Variants in TMEM117 observed in about 807,000 individuals in gnomAD.
TMEM117 encodes transmembrane protein 117.
A neutral mutation model predicts 52.4 loss-of-function variants in TMEM117; 27 were observed. The ratio of observed to expected loss-of-function variants is 0.51; its 90% confidence interval spans 0.38 to 0.71. The LOEUF is 0.71. TMEM117 is among the 30% of genes least tolerant of loss of function. TMEM117 has a pLI of 0.00. For missense variants in TMEM117, 556 were observed against 630.5 expected (o/e 0.88, Z 1.26); for synonymous variants, 215 against 206.3 (o/e 1.04, Z -0.36).
intron 6 of TMEM117, among the ~76,000 whole-genome samples, chr12:44,355,584 A>G (rs986407600): frequency 1.3e-5 from 2 of 152,088 alleles, no homozygotes; most frequent in Non-Finnish European, 2.9e-5. Context: ...GAAGCTTGAT[A>G]TAAATTCAAT....
At chr12:44,219,503 A>G (rs1465464175) in intron 5 of TMEM117, among the ~76,000 whole-genome samples, 2 of 152,212 alleles carry the variant, frequency 1.3e-5, no homozygotes, top group African/African-American at 4.8e-5. Flanking sequence ...ATATAGTTCA[A>G]TTTGCCAGTA....
intron 3 of TMEM117, among the ~76,000 whole-genome samples, chr12:43,949,801 T>C (rs1945191156): frequency 6.6e-6 from 1 of 152,180 alleles, no homozygotes; most frequent in East Asian, 1.9e-4. Flanking sequence ...TCAAGGAAGC[T>C]TGTACTTAAA....
At chr12:44,305,105 G>A (rs536371134) in intron 6 of TMEM117, among the ~76,000 whole-genome samples, 88 of 152,242 alleles carry the variant, frequency 5.8e-4, no homozygotes, top group Middle Eastern at 3.4e-3. Context: ...AGAGAGCCAG[G>A]CCTGGCAGTA....
rs1945092410 is a variant in TMEM117, at chr12:43,944,287, C to T, written c.355C>T (p.Leu119Phe). ...AATGTTCTTCAGCACAATTCTCTTT[C>T]TCTTCATATTTTCTCACATATACAA... ...MTMFFSTILF[L>F]FIFSHIYNTI... Residue 119 changes from leucine to phenylalanine, a missense_variant, in exon 3 of 8, where the codon CTC (leucine) becomes TTC (phenylalanine). By Grantham distance (22) the Leu-to-Phe change is conservative (BLOSUM62 0). This residue lies in a region of TMEM117 where 328 missense variants were observed against 371.4 expected (regional missense o/e 0.88). Coordinates refer to ENST00000266534, the MANE Select transcript of TMEM117 (RefSeq NM_032256.3). 24 of 1,613,194 alleles carry T rather than the reference C, an allele frequency of 1.5e-5. No homozygotes were observed. Among genetic ancestry groups the T allele is most frequent in the Non-Finnish European group, 2.0e-5 (24 of 1,179,288 alleles).
intron 3 of TMEM117, among the ~76,000 whole-genome samples, chr12:44,018,418 A>C (rs1349142037): frequency 6.6e-6 from 1 of 152,250 alleles, no homozygotes; most frequent in Non-Finnish European, 1.5e-5. Flanking sequence ...AGCATGCAAT[A>C]AAAACATGTA....
At chr12:43,990,285 CTG>C (rs1945916951) in intron 3 of TMEM117, among the ~76,000 whole-genome samples, 2 of 152,134 alleles carry the variant, frequency 1.3e-5, no homozygotes, top group Non-Finnish European at 2.9e-5. Context: ...TCAAATGAAT[CTG>C]AGGTCTTTTT....
At chr12:43,898,589 A>C (rs530404332) in intron 2 of TMEM117, among the ~76,000 whole-genome samples, 1 of 152,152 alleles carries the variant, frequency 6.6e-6, no homozygotes, top group Admixed American at 6.6e-5. Flanking sequence ...ACAGGAAAAA[A>C]GTGCCTTCAG....
intron 3 of TMEM117, among the ~76,000 whole-genome samples, chr12:44,098,686 A>G (rs1286799822): frequency 6.6e-6 from 1 of 152,046 alleles, no homozygotes; most frequent in Admixed American, 6.6e-5. Context: ...GCCAGATCCT[A>G]TACTATCATA....
At chr12:44,331,781 G>A (rs1322170710) in intron 6 of TMEM117, among the ~76,000 whole-genome samples, 1 of 151,982 alleles carries the variant, frequency 6.6e-6, no homozygotes, top group East Asian at 1.9e-4. Flanking sequence ...CCTTCCTCTA[G>A]GGAGTGGATA....
At chr12:43,851,174 A>G (rs956127450) in intron 2 of TMEM117, among the ~76,000 whole-genome samples, 3 of 152,166 alleles carry the variant, frequency 2.0e-5, no homozygotes, top group Admixed American at 2.0e-4. Context: ...CAGTATTGCC[A>G]ATTTAAGGGA....
intron 5 of TMEM117, among the ~76,000 whole-genome samples, chr12:44,217,215 C>T (rs1209903371): frequency 6.6e-6 from 1 of 152,090 alleles, no homozygotes; most frequent in Non-Finnish European, 1.5e-5. Flanking sequence ...AGTAGTTTGA[C>T]GTCCTCTACA....
chr12:44,340,506 T>C (rs1214078348), intron 6 of TMEM117, among the ~76,000 whole-genome samples: 1 of 152,138 alleles, frequency 6.6e-6, no homozygotes, highest in Non-Finnish European at 1.5e-5. Flanking sequence ...ACATCTGTGG[T>C]GCCTGCCTGC....
chr12:43,925,078 C>T (rs1944756984), intron 2 of TMEM117, among the ~76,000 whole-genome samples: 2 of 152,058 alleles, frequency 1.3e-5, no homozygotes, highest in African/African-American at 2.4e-5. Flanking sequence ...GTCCTCGTGC[C>T]GTAATAGTTG....
At chr12:44,076,591 A>G (rs7963259) in intron 3 of TMEM117, among the ~76,000 whole-genome samples, 15,692 of 152,270 alleles carry the variant, frequency 0.1, 1,237 homozygotes, top group African/African-American at 0.22. Context: ...TCATGATTCT[A>G]CATTTATACC....
At chr12:44,339,320 CA>C (rs1345504937) in intron 6 of TMEM117, among the ~76,000 whole-genome samples, 1 of 152,008 alleles carries the variant, frequency 6.6e-6, no homozygotes, top group Non-Finnish European at 1.5e-5. Context: ...CAGCTTCTAG[CA>C]GACTAAAGTC....
intron 5 of TMEM117, among the ~76,000 whole-genome samples, chr12:44,228,866 A>C (rs1949898045): frequency 3.9e-5 from 6 of 152,172 alleles, no homozygotes. Context: ...TGGGCCACAC[A>C]CAGGGTGTAG....
At chr12:44,232,016 T>A (rs1323263768) in intron 5 of TMEM117, among the ~76,000 whole-genome samples, 1 of 151,654 alleles carries the variant, frequency 6.6e-6, no homozygotes, top group Non-Finnish European at 1.5e-5. Context: ...ATGAGAATAG[T>A]AGTAGTCCTA....
At chr12:44,068,073 G>A (rs1947248887) in intron 3 of TMEM117, among the ~76,000 whole-genome samples, 1 of 152,144 alleles carries the variant, frequency 6.6e-6, no homozygotes, top group Non-Finnish European at 1.5e-5. Flanking sequence ...TCCAACCTCT[G>A]CTAACTTCAG....
intron 2 of TMEM117, among the ~76,000 whole-genome samples, chr12:43,885,078 C>G (rs1372742717): frequency 6.6e-6 from 1 of 152,142 alleles, no homozygotes; most frequent in Non-Finnish European, 1.5e-5. Flanking sequence ...AATACAGGCC[C>G]CAGATAGTCG....
Sources: allele counts gnomAD v4.1 joint callset (sites outside exome capture counted in the v4.1 genomes callset), GRCh38; gene constraint gnomAD v4.1.1; regional missense constraint gnomAD v4.1.1; transcripts MANE v1.5; gene names NCBI Gene and HGNC (gene_info 2026-07-23, HGNC 2026-07-21).